RALYL: variants seen among roughly 807,000 people sequenced by gnomAD.
The protein encoded by RALYL is RNA-binding Raly-like protein.
Under a neutral mutation model 35.1 loss-of-function variants are expected in RALYL, and 29 were observed. The ratio of observed to expected loss-of-function variants is 0.83; its 90% CI spans 0.61 to 1.13. The LOEUF (loss-of-function observed/expected upper bound fraction) is 1.13. RALYL is among the 50% of genes most tolerant of loss of function. The probability of loss-of-function intolerance (pLI) is 0.00; values close to 1 mark genes in which losing one functional copy is unlikely to be tolerated. For missense variants in RALYL, 359 were observed against 360.4 expected (o/e 1.00, Z 0.03); for synonymous variants, 120 against 127.6 (o/e 0.94, Z 0.40).
Position 84,296,540 on chromosome 8 carries a change from A to G in RALYL, c.-24+112116A>G, listed in dbSNP as rs540825518. Among the ~76,000 whole-genome samples, 5 of 151,446 alleles carry G rather than the reference A, an allele frequency of 3.3e-5. No homozygotes were observed. In the South Asian group the frequency reaches 1.0e-3, roughly 32 times the overall value. On this transcript the variant is annotated intron_variant, in intron 1 of 8. Coordinates refer to ENST00000521268, the MANE Select transcript of RALYL (RefSeq NM_173848.7). Reference sequence around the variant, plus strand: ...TTCCATCCAGTTTGCAGAGCTCTGCATGCAAAGATGTGACATGCCGAGTCA... The same window carrying G: ...TTCCATCCAGTTTGCAGAGCTCTGCGTGCAAAGATGTGACATGCCGAGTCA...
chr8:84,842,578 A>C (rs536038894), intron 4 of RALYL, among the ~76,000 whole-genome samples: 4 of 152,326 alleles, frequency 2.6e-5, no homozygotes, highest in Middle Eastern at 6.8e-3. Flanking sequence ...AAACTATTCC[A>C]ATCAATAGAA....
chr8:84,681,690 G>T (rs1420852018), intron 2 of RALYL, among the ~76,000 whole-genome samples: 1 of 152,184 alleles, frequency 6.6e-6, no homozygotes, highest in African/African-American at 2.4e-5. Flanking sequence ...CATTGATTTT[G>T]TATCCTAACT....
chr8:84,510,108 C>G (rs980083654), intron 1 of RALYL, among the ~76,000 whole-genome samples: 1 of 152,142 alleles, frequency 6.6e-6, no homozygotes, highest in Non-Finnish European at 1.5e-5. Context: ...AAGTTGGTAT[C>G]TTGGCAATAT....
chr8:84,689,950 A>G (rs1162389067), intron 2 of RALYL, among the ~76,000 whole-genome samples: 1 of 152,180 alleles, frequency 6.6e-6, no homozygotes, highest in Non-Finnish European at 1.5e-5. Context: ...ATAAATTGGT[A>G]CAGCCCTGAT....
At chr8:84,341,316 T>C (rs1231919901) in intron 1 of RALYL, among the ~76,000 whole-genome samples, 2 of 152,072 alleles carry the variant, frequency 1.3e-5, no homozygotes, top group East Asian at 3.9e-4. Context: ...TATATTCCCC[T>C]TGCTCTTAAC....
intron 1 of RALYL, among the ~76,000 whole-genome samples, chr8:84,363,693 C>T (rs1482289391): frequency 6.6e-6 from 1 of 152,094 alleles, no homozygotes; most frequent in Non-Finnish European, 1.5e-5. Flanking sequence ...GGTTGGGAAG[C>T]GTAAAAACGG....
At chr8:84,732,965 G>A (rs1846528077) in intron 2 of RALYL, among the ~76,000 whole-genome samples, 1 of 151,928 alleles carries the variant, frequency 6.6e-6, no homozygotes, top group African/African-American at 2.4e-5. Context: ...CAAAGTGCTG[G>A]GATTACAGGC....
At chr8:84,517,595 G>T (rs1171668904) in intron 1 of RALYL, among the ~76,000 whole-genome samples, 2 of 152,170 alleles carry the variant, frequency 1.3e-5, no homozygotes, top group Non-Finnish European at 2.9e-5. Flanking sequence ...TAAAGCACTA[G>T]TAATCAAAGT....
At chr8:84,341,378 C>A (rs187445568) in intron 1 of RALYL, among the ~76,000 whole-genome samples, 86 of 151,960 alleles carry the variant, frequency 5.7e-4, no homozygotes, top group African/African-American at 1.8e-3. Flanking sequence ...AATTCTAGTT[C>A]TTTGAATCTA....
chr8:84,583,500 A>C (rs1445033175), intron 2 of RALYL, among the ~76,000 whole-genome samples: 2 of 152,156 alleles, frequency 1.3e-5, no homozygotes, highest in Non-Finnish European at 2.9e-5. Context: ...AACTTAATTT[A>C]ATAAATAATC....
chr8:84,636,820 A>G (rs1825167675), intron 2 of RALYL, among the ~76,000 whole-genome samples: 1 of 151,916 alleles, frequency 6.6e-6, no homozygotes, highest in African/African-American at 2.4e-5. Context: ...GAAACCATAT[A>G]CCAGCATTAA....
intron 2 of RALYL, among the ~76,000 whole-genome samples, chr8:84,610,931 G>C (rs551241583): frequency 7.3e-5 from 11 of 150,632 alleles, no homozygotes; most frequent in Non-Finnish European, 1.2e-4. Flanking sequence ...GGCAGTACAA[G>C]ATGCTCCAGG....
At chr8:84,311,524 A>T (rs1842810054) in intron 1 of RALYL, among the ~76,000 whole-genome samples, 1 of 152,156 alleles carries the variant, frequency 6.6e-6, no homozygotes. Context: ...CTATAAATAA[A>T]CTTGAAGTAA....
intron 8 of RALYL, among the ~76,000 whole-genome samples, chr8:84,902,397 A>G (rs1280191547): frequency 1.3e-5 from 2 of 152,162 alleles, no homozygotes; most frequent in South Asian, 2.1e-4. Flanking sequence ...ATCCTCCCTC[A>G]TGATCCAATC....
chr8:84,229,972 G>T (rs913612221), intron 1 of RALYL, among the ~76,000 whole-genome samples: 3 of 151,976 alleles, frequency 2.0e-5, no homozygotes, highest in Admixed American at 6.6e-5. Context: ...ATAGAAAATT[G>T]CTAAAATAAT....
rs542797810 is a variant in RALYL at position 84,806,178 on chromosome 8, G to A, written c.365+1376G>A. On this transcript the variant is annotated intron_variant, in intron 4 of 8. Transcript: ENST00000521268. The stretch of plus-strand genomic sequence containing the variant: ...ATCAAAATAATTATTAGGGGATGTG[G>A]AAGACAAAAAATGGAATATATGCAT... Among the ~76,000 whole-genome samples the A allele has an allele frequency of 5.9e-5, 9 of 152,162 alleles. 1 individual carries two copies. In the South Asian group the frequency reaches 1.9e-3, roughly 32 times the overall value.
intron 1 of RALYL, among the ~76,000 whole-genome samples, chr8:84,209,125 C>CAAAAAAAAAAAAAAAAAAAAAAAAAA (rs60246316): frequency 1.0e-5 from 1 of 97,536 alleles, no homozygotes; most frequent in African/African-American, 3.9e-5. Context: ...ACTCCTCCAC[C>CAAAAAAAAAAAAAAAAAAAAAAAAAA]AAAAAAAAAA....
chr8:84,554,774 T>C, intron 2 of RALYL, among the ~76,000 whole-genome samples: 1 of 152,194 alleles, frequency 6.6e-6, no homozygotes, highest in Non-Finnish European at 1.5e-5. Flanking sequence ...GGACGAATAA[T>C]ACTATATAAA....
chr8:84,459,339 G>A (rs994074427), intron 1 of RALYL, among the ~76,000 whole-genome samples: 2 of 151,698 alleles, frequency 1.3e-5, no homozygotes, highest in Non-Finnish European at 3.0e-5. Context: ...AGGCGAATAG[G>A]AAATAAAAGG....
Sources: gnomAD v4.1 joint callset for allele counts (sites outside exome capture counted in the v4.1 genomes callset) on GRCh38, gnomAD v4.1.1 for gene constraint, MANE v1.5 for transcripts, NCBI Gene and HGNC (gene_info 2026-07-23, HGNC 2026-07-21) for gene names.